The following CSMD1 variants were observed in gnomAD, a reference collection of about 807,000 sequenced individuals.
CSMD1 encodes the protein CUB and Sushi multiple domains 1.
A neutral mutation model predicts 417.5 loss-of-function variants in CSMD1; 213 were observed. The observed-to-expected ratio is 0.51, with a 90% CI of 0.46 to 0.57. The LOEUF (loss-of-function observed/expected upper bound fraction) is 0.57, where lower values mean the gene tolerates loss of function less well. Ranked by LOEUF, CSMD1 falls within the 20% of genes least tolerant of loss-of-function variation. The pLI, the probability that CSMD1 is intolerant of heterozygous loss-of-function variation, is 0.00. For missense variants in CSMD1, 6,923 were observed against 4,529.7 expected (o/e 1.53, Z -15.17); for synonymous variants, 2,862 against 1,736.8 (o/e 1.65, Z -16.11).
intron 5 of CSMD1, among the ~76,000 whole-genome samples, chr8:3,996,533 A>T (rs1185649494): frequency 2.6e-5 from 4 of 152,066 alleles, no homozygotes; most frequent in Non-Finnish European, 4.4e-5. Flanking sequence ...GGTATAACTT[A>T]GGTTATCCAC....
intron 1 of CSMD1, among the ~76,000 whole-genome samples, chr8:4,663,764 G>A (rs951485792): frequency 1.3e-5 from 2 of 152,254 alleles, no homozygotes; most frequent in East Asian, 3.9e-4. Context: ...TTAAAGTAAC[G>A]TGAGAATGGA....
At chr8:4,929,947 G>A (rs1177677661) in intron 1 of CSMD1, among the ~76,000 whole-genome samples, 1 of 152,208 alleles carries the variant, frequency 6.6e-6, no homozygotes, top group Non-Finnish European at 1.5e-5. Context: ...GTTCCTGAGT[G>A]AAGCTACAGT....
At chr8:3,493,066 G>C (rs1036602850) in intron 11 of CSMD1, among the ~76,000 whole-genome samples, 9 of 151,990 alleles carry the variant, frequency 5.9e-5, no homozygotes, top group African/African-American at 1.7e-4. Flanking sequence ...GGCTGAAGTG[G>C]GCAAATCACC....
intron 1 of CSMD1, among the ~76,000 whole-genome samples, chr8:4,653,181 C>G (rs925332434): frequency 5.9e-5 from 9 of 152,042 alleles, no homozygotes; most frequent in Non-Finnish European, 2.9e-5. Flanking sequence ...AGTGATCTGA[C>G]TGGTCACAGC....
intron 3 of CSMD1, among the ~76,000 whole-genome samples, chr8:4,113,673 G>C (rs962868000): frequency 3.3e-5 from 5 of 152,126 alleles, no homozygotes; most frequent in African/African-American, 7.2e-5. Flanking sequence ...CAAAGTGCTA[G>C]GATTACAGGC....
chr8:4,901,195 CCT>C (rs1804850050), intron 1 of CSMD1, among the ~76,000 whole-genome samples: 1 of 152,154 alleles, frequency 6.6e-6, no homozygotes, highest in African/African-American at 2.4e-5. Context: ...TATAGATCAA[CCT>C]CTTTTATTTT....
At chr8:3,817,998 A>C (rs6995585) in intron 5 of CSMD1, among the ~76,000 whole-genome samples, 3,712 of 152,214 alleles carry the variant, frequency 0.024, 154 homozygotes, top group African/African-American at 0.084. Flanking sequence ...GAAAAAGCCC[A>C]TTTTTACTTT....
chr8:4,539,945 C>G (rs962076075), intron 2 of CSMD1, among the ~76,000 whole-genome samples: 1 of 152,132 alleles, frequency 6.6e-6, no homozygotes, highest in Non-Finnish European at 1.5e-5. Context: ...TACCCCAGCC[C>G]AAACTCCGCC....
At chr8:4,355,741 C>T (rs1801393011) in intron 3 of CSMD1, among the ~76,000 whole-genome samples, 1 of 152,156 alleles carries the variant, frequency 6.6e-6, no homozygotes, top group Non-Finnish European at 1.5e-5. Context: ...TTCATTTTCC[C>T]CCTGCATGAA....
chr8:3,392,221 C>T (rs1251802122), intron 17 of CSMD1, among the ~76,000 whole-genome samples: 2 of 151,722 alleles, frequency 1.3e-5, no homozygotes, highest in African/African-American at 2.4e-5. Flanking sequence ...CTAACCTGCA[C>T]GTTGTCACAT....
At chr8:4,502,238 A>C (rs1419028041) in intron 2 of CSMD1, among the ~76,000 whole-genome samples, 2 of 152,138 alleles carry the variant, frequency 1.3e-5, no homozygotes, top group Non-Finnish European at 1.5e-5. Context: ...AGAACGTAGA[A>C]CTAGAAAGTT....
intron 5 of CSMD1, among the ~76,000 whole-genome samples, chr8:3,876,759 G>T (rs552672052): frequency 2.6e-5 from 4 of 152,196 alleles, no homozygotes; most frequent in African/African-American, 9.6e-5. Context: ...ACAGGCATAG[G>T]CCACCAGGCA....
chr8:4,971,113 C>G (rs1214517209), intron 1 of CSMD1, among the ~76,000 whole-genome samples: 1 of 151,878 alleles, frequency 6.6e-6, no homozygotes, highest in Admixed American at 6.6e-5. Flanking sequence ...ATACCAAATT[C>G]AGACTTCAAA....
chr8:4,644,327 C>A (rs1803380959), intron 1 of CSMD1, among the ~76,000 whole-genome samples: 1 of 152,136 alleles, frequency 6.6e-6, no homozygotes, highest in African/African-American at 2.4e-5. Context: ...AGGCCTCATG[C>A]AGGTCTCACT....
chr8:3,408,738 G>C (rs1055571373), intron 13 of CSMD1, among the ~76,000 whole-genome samples: 3 of 151,800 alleles, frequency 2.0e-5, no homozygotes, highest in Admixed American at 6.6e-5. Context: ...TGTTCTAGTT[G>C]GATAATATAA....
chr8:3,533,642 G>T (rs1174873150), intron 10 of CSMD1, among the ~76,000 whole-genome samples: 2 of 152,104 alleles, frequency 1.3e-5, no homozygotes, highest in Non-Finnish European at 2.9e-5. Context: ...GAATCTCCCA[G>T]AGGCTCTGGG....
At chr8:3,666,680 G>A (rs903319328) in intron 7 of CSMD1, among the ~76,000 whole-genome samples, 1 of 152,140 alleles carries the variant, frequency 6.6e-6, no homozygotes, top group African/African-American at 2.4e-5. Context: ...TCATGGTAGT[G>A]AATAAGTCTC....
chr8:4,981,611 T>A (rs867515711), intron 1 of CSMD1, among the ~76,000 whole-genome samples: 1 of 152,224 alleles, frequency 6.6e-6, no homozygotes, highest in African/African-American at 2.4e-5. Flanking sequence ...TTGTACTTAA[T>A]GGTTGCTAAG....
intron 7 of CSMD1, among the ~76,000 whole-genome samples, chr8:3,672,656 G>A (rs887221682): frequency 3.9e-5 from 6 of 152,180 alleles, no homozygotes; most frequent in Non-Finnish European, 8.8e-5. Flanking sequence ...ATGACATGGT[G>A]CAGTGTCACT....
Sources: gnomAD v4.1 joint callset for allele counts (sites outside exome capture counted in the v4.1 genomes callset) on GRCh38, gnomAD v4.1.1 for gene constraint, MANE v1.5 for transcripts, NCBI Gene and HGNC (gene_info 2026-07-23, HGNC 2026-07-21) for gene names.